Variants in PSMB7 observed in about 807,000 individuals in gnomAD.
The protein encoded by PSMB7 is proteasome 20S subunit beta 7, also known as proteasome subunit beta type-7.
In PSMB7, 5 loss-of-function variants were observed where a neutral mutation model predicts 28.1. The ratio of observed to expected loss-of-function variants is 0.18; its 90% CI spans 0.09 to 0.37. PSMB7 has a LOEUF of 0.37. PSMB7 is among the 10% of genes least tolerant of loss of function. The pLI is 1.00. For missense variants in PSMB7, 275 were observed against 346.2 expected, an observed-to-expected ratio of 0.79 and a Z score of 1.63; for synonymous variants, 122 against 123.7, an observed-to-expected ratio of 0.99 and a Z score of 0.09.
intron 6 of PSMB7, among the ~76,000 whole-genome samples, chr9:124,379,226 G>T (rs1324196069): frequency 3.3e-5 from 5 of 152,200 alleles, no homozygotes; most frequent in African/African-American, 1.2e-4. Context: ...GCTAAGTAGT[G>T]TGAACACTAA....
intron 6 of PSMB7, among the ~76,000 whole-genome samples, chr9:124,364,143 A>G (rs1422358135): frequency 6.6e-6 from 1 of 152,202 alleles, no homozygotes; most frequent in Non-Finnish European, 1.5e-5. Flanking sequence ...CCCGGGTCTG[A>G]GCCAAACACT....
intron 3 of PSMB7, 81 bp downstream of exon 3, chr9:124,413,827 T>C (rs1831056142): frequency 1.1e-6 from 1 of 933,080 alleles, no homozygotes; most frequent in African/African-American, 1.7e-5. Context: ...AAACAGGTTT[T>C]AGTAAGGAGC....
intron 6 of PSMB7, among the ~76,000 whole-genome samples, chr9:124,362,991 G>A (rs932146671): frequency 2.0e-5 from 3 of 152,216 alleles, no homozygotes; most frequent in Non-Finnish European, 2.9e-5. Flanking sequence ...GTCTGGGTGT[G>A]ATGAGAATTT....
intron 6 of PSMB7, among the ~76,000 whole-genome samples, chr9:124,369,077 G>A (rs566715298): frequency 2.8e-3 from 432 of 152,292 alleles, no homozygotes; most frequent in Middle Eastern, 0.014. Context: ...TCTGATTCTA[G>A]AAAAACTACA....
rs147634924 is a variant in PSMB7 at position 124,409,608 on chromosome 9, A to T, written c.395+2744T>A. 1.4e-4 allele frequency among the ~76,000 whole-genome samples: 22 copies of T among 152,364 alleles called. No individual in the cohort carries two copies. The East Asian group carries it at 3.7e-3, about 25-fold the overall frequency. ...AAAAAAAAAGTACAGCAGTACCAAG[A>T]ACACCTTGTACTCTTTTTCAGACTG... On this transcript the variant is annotated intron_variant, in intron 4 of 7. Coordinates refer to ENST00000259457, the MANE Select transcript of PSMB7 (RefSeq NM_002799.4).
intron 4 of PSMB7, 48 bp from the exon 5 acceptor site, chr9:124,405,480 A>G: frequency 7.4e-7 from 1 of 1,345,786 alleles, no homozygotes. Flanking sequence ...TCCACAAAGC[A>G]TCACTGTAAC....
intron 6 of PSMB7, among the ~76,000 whole-genome samples, chr9:124,374,962 G>C (rs532206953): frequency 6.6e-6 from 1 of 151,950 alleles, no homozygotes; most frequent in Non-Finnish European, 1.5e-5. Context: ...CCAATATGGC[G>C]AAACACCATC....
intron 5 of PSMB7, among the ~76,000 whole-genome samples, chr9:124,393,882 G>A (rs967020571): frequency 2.6e-5 from 4 of 152,144 alleles, no homozygotes; most frequent in African/African-American, 4.8e-5. Context: ...CTGTTTAGAG[G>A]ACAAAATGGA....
intron 4 of PSMB7, among the ~76,000 whole-genome samples, chr9:124,411,662 G>A (rs571116698): frequency 2.8e-4 from 43 of 152,300 alleles, no homozygotes; most frequent in African/African-American, 9.1e-4. Flanking sequence ...AAGTAATGAC[G>A]CAATTATTAA....
At chr9:124,409,432 T>G (rs1041295746) in intron 4 of PSMB7, among the ~76,000 whole-genome samples, 15 of 152,256 alleles carry the variant, frequency 9.9e-5, no homozygotes, top group Admixed American at 2.6e-4. Flanking sequence ...GGAGGTTCCA[T>G]GCTCACAGAA....
chr9:124,400,144 C>T (rs1453968738), intron 5 of PSMB7, among the ~76,000 whole-genome samples: 5 of 152,212 alleles, frequency 3.3e-5, no homozygotes, highest in South Asian at 4.1e-4. Flanking sequence ...ATGCAGCAAA[C>T]TCTGGCCTTT....
chr9:124,406,265 G>C (rs1221273826), intron 4 of PSMB7, among the ~76,000 whole-genome samples: 2 of 152,064 alleles, frequency 1.3e-5, no homozygotes, highest in African/African-American at 4.8e-5. Context: ...CACTTTAGGA[G>C]GCTGAGGTGG....
intron 6 of PSMB7, among the ~76,000 whole-genome samples, chr9:124,362,226 T>C (rs996312832): frequency 1.3e-5 from 2 of 152,206 alleles, no homozygotes; most frequent in Non-Finnish European, 2.9e-5. Context: ...GAAATAAAAT[T>C]GGTTATTTGC....
chr9:124,393,060 T>C (rs900563159), intron 5 of PSMB7, among the ~76,000 whole-genome samples: 2 of 152,198 alleles, frequency 1.3e-5, no homozygotes, highest in Non-Finnish European at 1.5e-5. Context: ...GGGATCATTT[T>C]TCACTCCATT....
At chr9:124,385,577 C>T (rs1301399855) in intron 5 of PSMB7, among the ~76,000 whole-genome samples, 5 of 152,218 alleles carry the variant, frequency 3.3e-5, no homozygotes, top group Non-Finnish European at 7.3e-5. Context: ...GAGTTGCCCA[C>T]AATTTTTTAC....
rs777062587 is a variant in PSMB7, at chr9:124,356,664, T to C, written c.722+100A>G. ...ATTTGGGAACACTGGATGTACTTAA[T>C]GTGGAAAGAACCAGGAAAACTCCAT... On this transcript the variant is annotated intron_variant, in intron 7 of 7. Transcript: ENST00000259457. The surrounding 1 kb of genome is among the most constrained non-coding windows in gnomAD (Gnocchi z 4.4). 3.0e-6 allele frequency: 4 copies of C among 1,355,896 alleles called. No homozygotes were observed. Among genetic ancestry groups the C allele is most frequent in the African/African-American group, 2.9e-5 (2 of 68,452 alleles). 84.0% of individuals were successfully genotyped at this position (1,355,896 alleles called of 1,614,324 possible). A position where few individuals can be genotyped will look rare whatever the true frequency, so the allele number is the denominator to read the frequency against.
At chr9:124,359,042 T>A (rs181579288) in intron 6 of PSMB7, among the ~76,000 whole-genome samples, 1 of 152,340 alleles carries the variant, frequency 6.6e-6, no homozygotes, top group East Asian at 1.9e-4. Flanking sequence ...TGAGTGATCC[T>A]CCCTCTATTT....
chr9:124,376,773 G>A (rs534063055), intron 6 of PSMB7, among the ~76,000 whole-genome samples: 10 of 152,308 alleles, frequency 6.6e-5, no homozygotes, highest in Admixed American at 3.3e-4. Context: ...TGAACCCATC[G>A]GAGGGCTCTA....
intron 5 of PSMB7, among the ~76,000 whole-genome samples, chr9:124,387,904 AG>A (rs1311187497): frequency 4.6e-5 from 7 of 152,138 alleles, no homozygotes; most frequent in Non-Finnish European, 8.8e-5. Context: ...AAAAAAAAAA[AG>A]ATGGTAAACT....
Sources: gnomAD v4.1 joint callset for allele counts (sites outside exome capture counted in the v4.1 genomes callset) on GRCh38, gnomAD v4.1.1 for gene constraint, Gnocchi (gnomAD v3.1) non-coding constraint, MANE v1.5 for transcripts, NCBI Gene and HGNC (gene_info 2026-07-23, HGNC 2026-07-21) for gene names.